THTPA: variants seen among roughly 807,000 people sequenced by gnomAD.
THTPA encodes thiamine-triphosphatase.
Under a neutral mutation model 16.5 loss-of-function variants are expected in THTPA, and 16 were observed. That is an observed-to-expected ratio of 0.97 (90% CI 0.66 to 1.47). THTPA has a LOEUF of 1.47. THTPA is among the 40% of genes most tolerant of loss of function. The probability of loss-of-function intolerance (pLI) is 0.00; values close to 1 mark genes in which losing one functional copy is unlikely to be tolerated. For missense variants in THTPA, 281 were observed against 280.9 expected, an observed-to-expected ratio of 1.00 and a Z score of 0.00; for synonymous variants, 110 against 115.5, an observed-to-expected ratio of 0.95 and a Z score of 0.30.
chr14:23,558,723 C>T lies in THTPA; in HGVS notation c.576C>T (p.Ala192=), dbSNP rs567832958. Residue 192 remains alanine, a synonymous_variant, in exon 2 of 2, where the codon GCC becomes GCT. Coordinates refer to ENST00000288014, the MANE Select transcript of THTPA (RefSeq NM_024328.6). ...TGCCTGCACAGGAGACAGCACCAGC[C>T]AAGCTGATTGTGTATCTACAGCGTT... ...LGVPAQETAP[A]KLIVYLQRFR... The T allele has an allele frequency of 1.9e-6, 3 of 1,614,228 alleles. No individual in the cohort carries two copies. The African/African-American group carries it at 4.0e-5, about 22-fold the overall frequency.
chr14:23,513,402 T>C, the THTPA span: 1 of 152,520 alleles, frequency 6.6e-6, no homozygotes, highest in South Asian at 2.1e-4. Context: ...CGTGTGTGTG[T>C]GTATGTGTGT....
the THTPA span, chr14:23,523,440 G>T: frequency 6.5e-7 from 1 of 1,535,308 alleles, no homozygotes; most frequent in Non-Finnish European, 8.7e-7. The surrounding 1 kb of genome is among the most constrained non-coding windows in gnomAD (Gnocchi z 4.1). Flanking sequence ...AGGTGCTGAC[G>T]GGAAAAGAGA....
chr14:23,535,293 A>G, the THTPA span: 1 of 1,476,910 alleles, frequency 6.8e-7, no homozygotes, highest in Non-Finnish European at 9.0e-7. This position sits in a 1 kb window ranked among gnomAD's most constrained non-coding sequence, Gnocchi z 4.5. Flanking sequence ...AGGGGGTGGT[A>G]CCAGTGGTAG....
At chr14:23,554,549 A>AT (rs35367737), upstream of THTPA, among the ~76,000 whole-genome samples, 1,300 of 135,646 alleles carry the variant, frequency 9.6e-3, 19 homozygotes, top group East Asian at 0.066. Flanking sequence ...GCTAATTAAA[A>AT]TTTTTTTTTT....
the THTPA span, chr14:23,533,384 C>T: frequency 1.4e-6 from 2 of 1,469,106 alleles, no homozygotes; most frequent in East Asian, 2.5e-5. The surrounding 1 kb of genome is among the most constrained non-coding windows in gnomAD (Gnocchi z 4.8). Context: ...CCCGGGCCAG[C>T]CAAGGGAGTC....
chr14:23,512,181 G>A, the THTPA span, among the ~76,000 whole-genome samples: 2 of 152,122 alleles, frequency 1.3e-5, no homozygotes, highest in African/African-American at 4.8e-5. Flanking sequence ...TGGGGGCTGG[G>A]GAGCTGGGGT....
At chr14:23,557,334 C>T (rs2138987945) in intron 1 of THTPA, 30 bp downstream of exon 1, 1 of 1,539,474 alleles carries the variant, frequency 6.5e-7, no homozygotes, top group Non-Finnish European at 8.7e-7. Context: ...TTGTGCTTTT[C>T]CTGCTCCCCA....
chr14:23,533,471 G>A, the THTPA span: 1 of 1,535,368 alleles, frequency 6.5e-7, no homozygotes, highest in South Asian at 1.2e-5. This position sits in a 1 kb window ranked among gnomAD's most constrained non-coding sequence, Gnocchi z 4.8. Context: ...CCTGGTGGGG[G>A]AGGAGGGCCT....
chr14:23,557,763 C>G (rs1343740489), intron 1 of THTPA, among the ~76,000 whole-genome samples: 1 of 151,306 alleles, frequency 6.6e-6, no homozygotes, highest in Non-Finnish European at 1.5e-5. Context: ...TCTTTTTTTT[C>G]TTCTTCTTCA....
intron 1 of THTPA, among the ~76,000 whole-genome samples, chr14:23,557,569 A>G (rs371590423): frequency 1.3e-5 from 2 of 151,880 alleles, no homozygotes; most frequent in African/African-American, 4.8e-5. Flanking sequence ...TGTTTTAGCA[A>G]TTTTCTAAGT....
chr14:23,533,190 T>C, the THTPA span: 4 of 1,436,356 alleles, frequency 2.8e-6, no homozygotes, highest in East Asian at 2.5e-5. This position sits in a 1 kb window ranked among gnomAD's most constrained non-coding sequence, Gnocchi z 4.8. Context: ...GAGGGACTTA[T>C]GGTTACCTAA....
the THTPA span, chr14:23,529,641 T>C: frequency 7.1e-7 from 1 of 1,404,362 alleles, no homozygotes; most frequent in Non-Finnish European, 9.7e-7. Context: ...CGTCTGCCTT[T>C]AGAATATGAG....
the THTPA span, chr14:23,522,291 C>T: frequency 6.6e-7 from 1 of 1,505,646 alleles, no homozygotes; most frequent in South Asian, 1.3e-5. Context: ...GTAGCCGGGG[C>T]CTCCCCGTCA....
chr14:23,525,918 G>A, the THTPA span: 33 of 1,473,012 alleles, frequency 2.2e-5, no homozygotes, highest in Middle Eastern at 3.5e-4. The surrounding 1 kb of genome is among the most constrained non-coding windows in gnomAD (Gnocchi z 5.9). Context: ...AGGACTGGTG[G>A]GGTGAAGAGA....
At chr14:23,525,230 G>A in the THTPA span, 1 of 1,536,098 alleles carries the variant, frequency 6.5e-7, no homozygotes, top group Non-Finnish European at 8.7e-7. The surrounding 1 kb of genome is among the most constrained non-coding windows in gnomAD (Gnocchi z 5.9). Context: ...GTGTCCCCCT[G>A]CTCGACTTCG....
the THTPA span, chr14:23,521,929 G>A: frequency 3.3e-6 from 5 of 1,535,030 alleles, no homozygotes; most frequent in Non-Finnish European, 3.5e-6. Context: ...GGAGCCCTGA[G>A]GCCCTCCCCT....
At chr14:23,554,193 A>G (rs1263622231), upstream of THTPA, among the ~76,000 whole-genome samples, 4 of 151,922 alleles carry the variant, frequency 2.6e-5, no homozygotes, top group Non-Finnish European at 4.4e-5. Flanking sequence ...CTTTTGCCCC[A>G]CTGGATTGGA....
chr14:23,523,810 A>G, the THTPA span: 1 of 1,536,164 alleles, frequency 6.5e-7, no homozygotes, highest in East Asian at 2.4e-5. The surrounding 1 kb of genome is among the most constrained non-coding windows in gnomAD (Gnocchi z 4.1). Flanking sequence ...CTCCAGCCCC[A>G]GGGGATTCTG....
chr14:23,519,351 C>T, the THTPA span, among the ~76,000 whole-genome samples: 14 of 152,266 alleles, frequency 9.2e-5, no homozygotes, highest in Middle Eastern at 3.4e-3. Flanking sequence ...AACTTTTATA[C>T]ACAAGTCACA....
Sources: allele counts gnomAD v4.1 joint callset (sites outside exome capture counted in the v4.1 genomes callset), GRCh38; gene constraint gnomAD v4.1.1; non-coding constraint Gnocchi (gnomAD v3.1); transcripts MANE v1.5; gene names NCBI Gene and HGNC (gene_info 2026-07-23, HGNC 2026-07-21).